TAB2: variants seen among roughly 807,000 people sequenced by gnomAD.
TAB2 encodes the protein TGF-beta activated kinase 1 (MAP3K7) binding protein 2.
TAB2 carries 3 observed loss-of-function variants against 65.0 expected under a neutral mutation model. The ratio of observed to expected loss-of-function variants is 0.05; its 90% confidence interval spans 0.02 to 0.12. The LOEUF is 0.12. Ranked by LOEUF, TAB2 falls within the 10% of genes least tolerant of loss-of-function variation. The pLI is 1.00. For missense variants in TAB2, 623 were observed against 840.3 expected, an observed-to-expected ratio of 0.74 and a Z score of 3.20; for synonymous variants, 298 against 285.1, an observed-to-expected ratio of 1.05 and a Z score of -0.46.
At chr6:149,399,033 A>T in intron 5 of TAB2, 71 bp from the exon 6 acceptor site, 1 of 1,323,308 alleles carries the variant, frequency 7.6e-7, no homozygotes, top group Non-Finnish European at 1.1e-6. Context: ...TTAGAAAGAA[A>T]TACTTGTTTT....
intron 6 of TAB2, among the ~76,000 whole-genome samples, chr6:149,403,504 C>G (rs1782555776): frequency 1.3e-5 from 2 of 151,368 alleles, no homozygotes; most frequent in African/African-American, 4.9e-5. Flanking sequence ...ATTCTTGCCA[C>G]TTATTTTCAA....
At chr6:149,281,284 C>G in intron 1 of TAB2, among the ~76,000 whole-genome samples, 1 of 151,930 alleles carries the variant, frequency 6.6e-6, no homozygotes, top group Admixed American at 6.6e-5. Context: ...TTCTTATACT[C>G]CATGCGAACT....
chr6:149,248,183 G>GT (rs1437225407), intron 1 of TAB2, among the ~76,000 whole-genome samples: 1 of 152,160 alleles, frequency 6.6e-6, no homozygotes, highest in Non-Finnish European at 1.5e-5. Context: ...CCTGAGGTCA[G>GT]GAGTTCAAAA....
chr6:149,228,615 A>G (rs1213641456), intron 1 of TAB2, among the ~76,000 whole-genome samples: 1 of 152,240 alleles, frequency 6.6e-6, no homozygotes, highest in Non-Finnish European at 1.5e-5. Context: ...AATAAGCAGG[A>G]ACACCTAATG....
At chr6:149,335,705 G>C (rs936392715) in intron 1 of TAB2, among the ~76,000 whole-genome samples, 2 of 151,916 alleles carry the variant, frequency 1.3e-5, no homozygotes, top group African/African-American at 2.4e-5. Context: ...AATAAATGAA[G>C]CAACTTGGCA....
At chr6:149,342,885 T>C (rs1478444893) in intron 1 of TAB2, 1 of 152,186 alleles carries the variant, frequency 6.6e-6, no homozygotes, top group Non-Finnish European at 1.5e-5. Flanking sequence ...AACTGCCTTA[T>C]TATTAAATCT....
At position 149,409,997 on chromosome 6, in the gene TAB2, T is replaced by C. The variant is rs1782794522; in HGVS notation, c.*278T>C. The C allele has an allele frequency of 2.1e-6, 1 of 487,056 alleles. No individual in the cohort carries two copies. The highest frequency in any genetic ancestry group is 2.3e-5 in the South Asian group (1 of 43,474). 30.2% of individuals were successfully genotyped at this position (487,056 alleles called of 1,614,324 possible). A position where few individuals can be genotyped will look rare whatever the true frequency, so the allele number is the denominator to read the frequency against. ...GTTACCAGTGTCCCATTATGGATAATTCTCAATATGTTAACACCTAGGTGT... is the reference window on the plus strand; with the variant it reads ...GTTACCAGTGTCCCATTATGGATAACTCTCAATATGTTAACACCTAGGTGT... On this transcript the variant is annotated 3_prime_UTR_variant, in exon 7 of 7. Transcript: ENST00000637181.
upstream of TAB2, among the ~76,000 whole-genome samples, chr6:149,316,180 T>C (rs1779247365): frequency 1.3e-5 from 2 of 152,238 alleles, no homozygotes; most frequent in Non-Finnish European, 1.5e-5. Flanking sequence ...TTGTAAATCC[T>C]AATTTTACTT....
chr6:149,337,572 A>G (rs942359250), intron 1 of TAB2, among the ~76,000 whole-genome samples: 1 of 152,244 alleles, frequency 6.6e-6, no homozygotes, highest in Non-Finnish European at 1.5e-5. Context: ...CAAAGTTTCA[A>G]CCAGTTTAGA....
At chr6:149,304,541 G>A (rs1307146463) in intron 1 of TAB2, 1 of 152,292 alleles carries the variant, frequency 6.6e-6, no homozygotes, top group East Asian at 1.9e-4. Flanking sequence ...ACGAAGACAT[G>A]TTATGGAGCA....
intron 1 of TAB2, among the ~76,000 whole-genome samples, chr6:149,360,816 T>C (rs74483374): frequency 0.041 from 6,228 of 152,152 alleles, 445 homozygotes; most frequent in African/African-American, 0.14. Context: ...CAAGATACAA[T>C]GGGGGTACAG....
At position 149,339,595 on chromosome 6, in the gene TAB2, TTATTTATTTA is replaced by T. The variant is rs1345976552; in HGVS notation, c.-90+21582_-90+21591del. 8.1e-3 allele frequency among the ~76,000 whole-genome samples: 588 copies of T among 72,810 alleles called. 14 individuals carry two copies. Among genetic ancestry groups the T allele is most frequent in the South Asian group, 0.018 (38 of 2,138 alleles). 47.8% of individuals were successfully genotyped at this position (72,810 alleles called of 152,430 possible). A position where few individuals can be genotyped will look rare whatever the true frequency, so the allele number is the denominator to read the frequency against. On this transcript the variant is annotated intron_variant, in intron 1 of 6. Coordinates refer to ENST00000637181, the MANE Select transcript of TAB2 (RefSeq NM_001292034.3). ...CCAATAATTAATCTTTTTTATTTAT[TTATTTATTTA>T]TTTTTTTTTTTTTTTGAGACGGAGT...
upstream of TAB2, among the ~76,000 whole-genome samples, chr6:149,316,955 G>A (rs113790334): frequency 6.6e-6 from 1 of 151,818 alleles, no homozygotes; most frequent in Non-Finnish European, 1.5e-5. Flanking sequence ...CCGGCTCCAA[G>A]GGGGTGTGTC....
intron 1 of TAB2, among the ~76,000 whole-genome samples, chr6:149,277,662 C>T (rs932151824): frequency 6.6e-6 from 1 of 151,962 alleles, no homozygotes; most frequent in Non-Finnish European, 1.5e-5. Context: ...TACTATAATA[C>T]CTATTCAAAA....
chr6:149,375,753 G>A (rs912673968), intron 2 of TAB2, among the ~76,000 whole-genome samples: 1 of 152,086 alleles, frequency 6.6e-6, no homozygotes, highest in African/African-American at 2.4e-5. Flanking sequence ...AATTATAATA[G>A]GAATCGTTGA....
At chr6:149,232,417 G>A (rs568836265) in intron 1 of TAB2, among the ~76,000 whole-genome samples, 3 of 152,158 alleles carry the variant, frequency 2.0e-5, no homozygotes, top group South Asian at 2.1e-4. Flanking sequence ...TAGTAGAGAC[G>A]GGGTTTCACC....
intron 1 of TAB2, among the ~76,000 whole-genome samples, chr6:149,339,605 A>AT (rs1169597449): frequency 0.064 from 3,279 of 50,990 alleles, 179 homozygotes; most frequent in African/African-American, 0.2. Flanking sequence ...TTATTTATTT[A>AT]TTTTTTTTTT....
chr6:149,363,604 T>A (rs1311458979), intron 1 of TAB2, among the ~76,000 whole-genome samples: 1 of 152,224 alleles, frequency 6.6e-6, no homozygotes, highest in Non-Finnish European at 1.5e-5. Flanking sequence ...TTCAGTTTTT[T>A]TGAGGATAGA....
intron 6 of TAB2, among the ~76,000 whole-genome samples, chr6:149,403,729 A>G (rs1393777490): frequency 2.6e-5 from 4 of 152,036 alleles, no homozygotes; most frequent in Non-Finnish European, 4.4e-5. Flanking sequence ...CATGGCAGAA[A>G]GTGAAGGAAG....
Sources: gnomAD v4.1 joint callset for allele counts (sites outside exome capture counted in the v4.1 genomes callset) on GRCh38, gnomAD v4.1.1 for gene constraint, MANE v1.5 for transcripts, NCBI Gene and HGNC (gene_info 2026-07-23, HGNC 2026-07-21) for gene names.